CSMD1: variants seen among roughly 807,000 people sequenced by gnomAD.
CSMD1 encodes the protein CUB and sushi domain-containing protein 1.
Under a neutral mutation model 417.5 loss-of-function variants are expected in CSMD1, and 213 were observed. That is an observed-to-expected ratio of 0.51 (90% CI 0.46 to 0.57). The LOEUF (loss-of-function observed/expected upper bound fraction) is 0.57, where lower values mean the gene tolerates loss of function less well. Among genes scored for constraint, CSMD1 ranks in the 20% least tolerant of loss-of-function variants. The pLI is 0.00. For synonymous variants in CSMD1, 2,862 were observed against 1,736.8 expected (o/e 1.65, Z -16.11); for missense variants, 6,923 against 4,529.7 (o/e 1.53, Z -15.17).
At chr8:3,427,749 T>C (rs1025261664) in intron 12 of CSMD1, among the ~76,000 whole-genome samples, 61 of 152,338 alleles carry the variant, frequency 4.0e-4, no homozygotes, top group African/African-American at 1.3e-3. Flanking sequence ...TTAATCAGGC[T>C]AATAATAACC....
At chr8:4,644,407 C>T (rs1255644031) in intron 1 of CSMD1, among the ~76,000 whole-genome samples, 1 of 85,436 alleles carries the variant, frequency 1.2e-5, no homozygotes, top group Admixed American at 1.5e-4. Context: ...ACATGCTACC[C>T]TTTGCCCTAT....
intron 5 of CSMD1, among the ~76,000 whole-genome samples, chr8:3,789,297 T>C (rs1799602620): frequency 6.6e-6 from 1 of 152,062 alleles, no homozygotes; most frequent in Non-Finnish European, 1.5e-5. Flanking sequence ...AGCTTCCCAG[T>C]TTATATTTAT....
intron 5 of CSMD1, among the ~76,000 whole-genome samples, chr8:3,861,412 T>C (rs965360680): frequency 1.3e-5 from 2 of 152,184 alleles, no homozygotes; most frequent in Non-Finnish European, 2.9e-5. Context: ...ATAACCCTGA[T>C]TGGTAAATTG....
intron 40 of CSMD1, among the ~76,000 whole-genome samples, chr8:3,150,219 C>A (rs1392640170): frequency 1.3e-5 from 2 of 152,158 alleles, no homozygotes; most frequent in African/African-American, 4.8e-5. Context: ...GAAACAGGGG[C>A]TCCTATAATA....
chr8:3,266,195 G>C (rs137934641), intron 26 of CSMD1, among the ~76,000 whole-genome samples: 1 of 150,824 alleles, frequency 6.6e-6, no homozygotes, highest in South Asian at 2.1e-4. Context: ...CAGAAGACAA[G>C]AGGCAAAATA....
At chr8:4,712,942 G>GA (rs1808405441) in intron 1 of CSMD1, among the ~76,000 whole-genome samples, 1 of 152,120 alleles carries the variant, frequency 6.6e-6, no homozygotes, top group South Asian at 2.1e-4. Context: ...CTCGCAATTA[G>GA]AAAAAGGAAA....
chr8:4,194,545 T>A (rs1799219599), intron 3 of CSMD1, among the ~76,000 whole-genome samples: 1 of 152,214 alleles, frequency 6.6e-6, no homozygotes, highest in Non-Finnish European at 1.5e-5. Flanking sequence ...TTTATTATAA[T>A]GTTGGCAACA....
At chr8:3,518,578 G>C (rs1403785325) in intron 10 of CSMD1, among the ~76,000 whole-genome samples, 1 of 152,174 alleles carries the variant, frequency 6.6e-6, no homozygotes, top group Non-Finnish European at 1.5e-5. Flanking sequence ...AAATTAGAAT[G>C]CAACAATACA....
chr8:3,291,332 G>A (rs1489141869), intron 25 of CSMD1, among the ~76,000 whole-genome samples: 1 of 139,724 alleles, frequency 7.2e-6, no homozygotes, highest in Non-Finnish European at 1.5e-5. Flanking sequence ...GGGTGATGCT[G>A]GCCCCATAAA....
At chr8:4,092,314 G>A (rs528827123) in intron 3 of CSMD1, among the ~76,000 whole-genome samples, 138 of 152,128 alleles carry the variant, frequency 9.1e-4, no homozygotes, top group African/African-American at 2.6e-3. Context: ...TCCTGGCTTC[G>A]TCCTTTCCTG....
intron 5 of CSMD1, among the ~76,000 whole-genome samples, chr8:3,974,769 G>C (rs546664489): frequency 1.3e-5 from 2 of 151,872 alleles, no homozygotes; most frequent in Non-Finnish European, 2.9e-5. Context: ...ATTCTTTACA[G>C]TTATTGGTAA....
intron 5 of CSMD1, among the ~76,000 whole-genome samples, chr8:3,758,906 G>C (rs1416556748): frequency 2.0e-5 from 3 of 152,198 alleles, no homozygotes; most frequent in Non-Finnish European, 4.4e-5. Context: ...AGAGGCAGGA[G>C]GACAAGGTTC....
chr8:3,393,903 G>A (rs1200910056), intron 17 of CSMD1, among the ~76,000 whole-genome samples: 1 of 150,014 alleles, frequency 6.7e-6, no homozygotes, highest in Non-Finnish European at 1.5e-5. Flanking sequence ...ACGAGTTAAT[G>A]GGTGCAGCAC....
rs575076962 is a variant in CSMD1 at position 3,555,769 on chromosome 8, ATAGT to A, written c.1344+19172_1344+19175del. Among the ~76,000 whole-genome samples the A allele has an allele frequency of 5.9e-5, 9 of 152,238 alleles. No individual in the cohort carries two copies. In the East Asian group the frequency reaches 7.7e-4, roughly 13 times the overall value. The stretch of plus-strand genomic sequence containing the variant: ...TTTCATTCTGTATCTCTAATTTTAG[ATAGT>A]TAGATAGATGTATGGTTAGGCAGAC... On this transcript the variant is annotated intron_variant, in intron 10 of 69. Coordinates refer to ENST00000635120, the MANE Select transcript of CSMD1 (RefSeq NM_033225.6).
chr8:3,142,813 A>ATGG, intron 40 of CSMD1, 139 bp from the exon 41 acceptor site: 1 of 775,270 alleles, frequency 1.3e-6, no homozygotes, highest in Non-Finnish European at 2.1e-6. Context: ...GGAGGACGGC[A>ATGG]TTCACTGTGG....
At chr8:3,191,169 C>G (rs145307651) in intron 33 of CSMD1, among the ~76,000 whole-genome samples, 1 of 152,120 alleles carries the variant, frequency 6.6e-6, no homozygotes, top group Non-Finnish European at 1.5e-5. Flanking sequence ...TCCTAACAAG[C>G]CCCAGCCGGG....
chr8:3,595,708 A>G (rs1426370874), intron 8 of CSMD1, among the ~76,000 whole-genome samples: 1 of 152,208 alleles, frequency 6.6e-6, no homozygotes, highest in Non-Finnish European at 1.5e-5. Context: ...GTGTGAGGGA[A>G]TTTGATTTAA....
chr8:4,566,261 C>G (rs1798600219), intron 2 of CSMD1, among the ~76,000 whole-genome samples: 1 of 152,060 alleles, frequency 6.6e-6, no homozygotes, highest in Non-Finnish European at 1.5e-5. Flanking sequence ...ACACTGGTAC[C>G]TGGCACCATC....
rs527578560 is a variant in CSMD1 at position 3,546,262 on chromosome 8, C to G, written c.1344+28683G>C. On this transcript the variant is annotated intron_variant, in intron 10 of 69. Coordinates refer to ENST00000635120, the MANE Select transcript of CSMD1 (RefSeq NM_033225.6). ...CAATGGCTGGCCACGTGAATTTTTCCTCTATTATTAAAAAAAAAATCCCAG... is the reference window on the plus strand; with the variant it reads ...CAATGGCTGGCCACGTGAATTTTTCGTCTATTATTAAAAAAAAAATCCCAG... Among the ~76,000 whole-genome samples, 8 of 120,126 alleles carry G rather than the reference C, an allele frequency of 6.7e-5. No individual in the cohort carries two copies. In the South Asian group the frequency reaches 1.7e-3, roughly 26 times the overall value. 78.8% of individuals were successfully genotyped at this position (120,126 alleles called of 152,430 possible).
Sources: gnomAD v4.1 joint callset for allele counts (sites outside exome capture counted in the v4.1 genomes callset) on GRCh38, gnomAD v4.1.1 for gene constraint, MANE v1.5 for transcripts, NCBI Gene and HGNC (gene_info 2026-07-23, HGNC 2026-07-21) for gene names.